The following PRDM16 variants were observed in gnomAD, a reference collection of about 807,000 sequenced individuals.
The protein encoded by PRDM16 is PR/SET domain 16, also known as histone-lysine N-methyltransferase PRDM16.
PRDM16 carries 23 observed loss-of-function variants against 110.6 expected under a neutral mutation model. That is an observed-to-expected ratio of 0.21 (90% CI 0.15 to 0.29). The LOEUF is 0.29. Ranked by LOEUF, PRDM16 falls within the 10% of genes least tolerant of loss-of-function variation. The pLI is 1.00. For missense variants in PRDM16, 1,615 were observed against 1,794.3 expected (o/e 0.90, Z 1.81); for synonymous variants, 799 against 781.8 (o/e 1.02, Z -0.37).
chr1:3,367,473 C>T (rs1261734511), intron 3 of PRDM16, among the ~76,000 whole-genome samples: 1 of 152,194 alleles, frequency 6.6e-6, no homozygotes, highest in East Asian at 1.9e-4. Context: ...GGGGACACCC[C>T]TAGATGCTAC....
At chr1:3,114,510 ACACACATGAACACACGCACACATG>A (rs1014049083) in intron 1 of PRDM16, among the ~76,000 whole-genome samples, 1 of 151,606 alleles carries the variant, frequency 6.6e-6, no homozygotes, top group Non-Finnish European at 1.5e-5. Context: ...GCGCATGCAC[ACACACATGAACACACGCACACATG>A]CACACATGAA....
intron 1 of PRDM16, among the ~76,000 whole-genome samples, chr1:3,139,862 C>T (rs1359458892): frequency 2.0e-5 from 3 of 152,252 alleles, no homozygotes; most frequent in African/African-American, 7.2e-5. Context: ...CACCCAGCCA[C>T]CTCTTTTCCT....
Position 3,316,442 on chromosome 1 carries a change from A to G in PRDM16, c.439-68710A>G, listed in dbSNP as rs377737500. On this transcript the variant is annotated intron_variant, in intron 3 of 16. Transcript: ENST00000270722. ...AAGAATGGGCACTTATGAAGTGCCA[A>G]TGGTATACACTAAGTACTGGGAGGG... 3.7e-4 allele frequency among the ~76,000 whole-genome samples: 56 copies of G among 152,354 alleles called. No homozygotes were observed. In the East Asian group the frequency reaches 4.6e-3, roughly 13 times the overall value.
At chr1:3,147,047 T>C (rs1356458072) in intron 1 of PRDM16, among the ~76,000 whole-genome samples, 63 of 133,836 alleles carry the variant, frequency 4.7e-4, no homozygotes, top group African/African-American at 1.9e-3. Context: ...GGGGTGTGTG[T>C]GCACGTGTGT....
intron 3 of PRDM16, among the ~76,000 whole-genome samples, chr1:3,372,534 C>G (rs996047871): frequency 3.3e-5 from 5 of 152,248 alleles, no homozygotes; most frequent in African/African-American, 1.2e-4. Flanking sequence ...TCACCCCGGG[C>G]AAGGAGTTGC....
chr1:3,412,989 C>T (rs553873656), intron 9 of PRDM16, among the ~76,000 whole-genome samples, 189 bp downstream of exon 9: 1 of 152,204 alleles, frequency 6.6e-6, no homozygotes, highest in Non-Finnish European at 1.5e-5. Flanking sequence ...GGCTTGGCTG[C>T]TCCTAAGCTA....
intron 8 of PRDM16, among the ~76,000 whole-genome samples, chr1:3,410,439 G>A (rs1041258662): frequency 1.3e-5 from 2 of 152,136 alleles, no homozygotes; most frequent in Non-Finnish European, 2.9e-5. Flanking sequence ...CTCAAGCAGG[G>A]AATAGTCCCT....
chr1:3,339,851 C>T lies in PRDM16; in HGVS notation c.439-45301C>T, dbSNP rs139178958. ...AGGAAGAATCCACTCTGGCCAGGGC[C>T]GGTGCTAGGGCAGCCCAGCTCAGTC... On this transcript the variant is annotated intron_variant, in intron 3 of 16. Transcript: ENST00000270722. This position sits in a 1 kb window ranked among gnomAD's most constrained non-coding sequence, Gnocchi z 5.0. 2.3e-4 allele frequency among the ~76,000 whole-genome samples: 35 copies of T among 152,308 alleles called. 1 individual carries two copies. Among genetic ancestry groups the T allele is most frequent in the Admixed American group, 1.4e-3 (22 of 15,308 alleles).
intron 3 of PRDM16, among the ~76,000 whole-genome samples, chr1:3,262,720 A>C (rs1294896675): frequency 6.6e-6 from 1 of 152,252 alleles, no homozygotes; most frequent in African/African-American, 2.4e-5. Flanking sequence ...TTCAGTGACG[A>C]TGACAGCAGT....
In PRDM16 at chr1:3,421,610, G is replaced by A. The variant is rs891523479; in HGVS notation, c.2939+2866G>A. 2.0e-5 allele frequency among the ~76,000 whole-genome samples: 3 copies of A among 152,206 alleles called. No individual in the cohort carries two copies. The East Asian group carries it at 5.8e-4, about 29-fold the overall frequency. On this transcript the variant is annotated intron_variant, in intron 12 of 16. Transcript: ENST00000270722. ...TAGATTAGAAGCAAGAGAGGGCCAC[G>A]TTCAGGGCTCTCTGCAACCAAATTG...
intron 3 of PRDM16, among the ~76,000 whole-genome samples, chr1:3,321,101 A>C (rs1008348004): frequency 2.0e-5 from 3 of 152,220 alleles, no homozygotes; most frequent in Non-Finnish European, 4.4e-5. Flanking sequence ...TTTGTGCAAG[A>C]CCAGGGGACT....
intron 1 of PRDM16, among the ~76,000 whole-genome samples, chr1:3,181,034 G>A (rs117060132): frequency 8.0e-4 from 100 of 124,602 alleles, no homozygotes; most frequent in East Asian, 1.1e-3. Flanking sequence ...TCTTACACGC[G>A]GTCTTACACA....
intron 3 of PRDM16, among the ~76,000 whole-genome samples, chr1:3,329,216 C>T (rs1258420166): frequency 6.6e-6 from 1 of 152,194 alleles, no homozygotes; most frequent in East Asian, 1.9e-4. Context: ...GGCACAGCTG[C>T]CCAGCGGGCA....
chr1:3,127,163 A>G (rs1039368944), intron 1 of PRDM16, among the ~76,000 whole-genome samples: 1 of 152,210 alleles, frequency 6.6e-6, no homozygotes, highest in African/African-American at 2.4e-5. Context: ...CTCAAAATAG[A>G]TTTCAGCACT....
At chr1:3,141,623 G>A (rs1302202533) in intron 1 of PRDM16, among the ~76,000 whole-genome samples, 1 of 152,252 alleles carries the variant, frequency 6.6e-6, no homozygotes, top group Non-Finnish European at 1.5e-5. Flanking sequence ...GAAAGCCCAG[G>A]GCGGGCCACA....
At chr1:3,302,287 T>G (rs143010321) in intron 3 of PRDM16, among the ~76,000 whole-genome samples, 294 of 152,288 alleles carry the variant, frequency 1.9e-3, no homozygotes, top group African/African-American at 7.0e-3. Flanking sequence ...ACAAAGCCAG[T>G]GACGCAAATG....
chr1:3,287,408 C>G (rs6677452), intron 3 of PRDM16, among the ~76,000 whole-genome samples: 12 of 66,342 alleles, frequency 1.8e-4, no homozygotes, highest in African/African-American at 4.8e-4. Flanking sequence ...GGGGCTGGAG[C>G]CGCCCCGCCA....
chr1:3,228,510 C>G (rs1474094546), intron 2 of PRDM16, among the ~76,000 whole-genome samples: 2 of 152,160 alleles, frequency 1.3e-5, no homozygotes, highest in South Asian at 4.1e-4. Context: ...TCTGGGCCAG[C>G]CCCAGGGAGG....
rs570541092 is a variant in PRDM16, at chr1:3,298,833, G to A, written c.438+54696G>A. Among the ~76,000 whole-genome samples the A allele has an allele frequency of 2.1e-4, 32 of 152,286 alleles. 1 individual carries two copies. Among genetic ancestry groups the A allele is most frequent in the Middle Eastern group, 3.4e-3 (1 of 294 alleles). On this transcript the variant is annotated intron_variant, in intron 3 of 16. Transcript: ENST00000270722. ...GGCTGTCTCATGCTTCTCCAACCAC[G>A]TTTGGCCAAAAAGAGCTTTTGTCTT...
Sources: gnomAD v4.1 joint callset for allele counts (sites outside exome capture counted in the v4.1 genomes callset) on GRCh38, gnomAD v4.1.1 for gene constraint, Gnocchi (gnomAD v3.1) non-coding constraint, MANE v1.5 for transcripts, NCBI Gene and HGNC (gene_info 2026-07-23, HGNC 2026-07-21) for gene names.